The following HTR2C variants were observed in gnomAD, a reference collection of about 807,000 sequenced individuals.
HTR2C encodes the protein 5-hydroxytryptamine receptor 2C.
HTR2C carries 5 observed loss-of-function variants against 21.0 expected under a neutral mutation model. The observed-to-expected ratio is 0.24, with a 90% CI of 0.12 to 0.50. The LOEUF is 0.50. Among genes scored for constraint, HTR2C ranks in the 20% least tolerant of loss-of-function variants. The probability of loss-of-function intolerance (pLI) is 0.98; values close to 1 mark genes in which losing one functional copy is unlikely to be tolerated. For synonymous variants in HTR2C, 150 were observed against 145.3 expected (o/e 1.03, Z -0.23); for missense variants, 271 against 371.2 (o/e 0.73, Z 2.22).
At chrX:114,861,116 C>T (rs1481494402) in intron 5 of HTR2C, among the ~76,000 whole-genome samples, 2 of 111,187 alleles carry the variant, frequency 1.8e-5, no homozygotes, top group African/African-American at 6.5e-5. Context: ...CTATCGTCCA[C>T]ATGTTGTACA....
At chrX:114,643,739 A>G (rs185626281) in intron 2 of HTR2C, among the ~76,000 whole-genome samples, 11 of 111,976 alleles carry the variant, frequency 9.8e-5, no homozygotes, top group African/African-American at 3.2e-4. Flanking sequence ...ATTTCAGGCA[A>G]TTTACTGCTG....
intron 2 of HTR2C, among the ~76,000 whole-genome samples, chrX:114,620,905 A>C (rs1367933100): frequency 9.1e-6 from 1 of 110,057 alleles, no homozygotes; most frequent in Non-Finnish European, 1.9e-5. Flanking sequence ...TTGGCAGAGG[A>C]GTCTTGCTCT....
chrX:114,652,276 C>T (rs1405352046), intron 2 of HTR2C, among the ~76,000 whole-genome samples: 1 of 111,410 alleles, frequency 9.0e-6, no homozygotes, highest in African/African-American at 3.3e-5. Context: ...GTACTTGATG[C>T]AGTCCTGACT....
chrX:114,657,613 G>A (rs1930829423), intron 2 of HTR2C, among the ~76,000 whole-genome samples: 1 of 111,384 alleles, frequency 9.0e-6, no homozygotes, highest in Non-Finnish European at 1.9e-5. Context: ...AGTTTGTCTA[G>A]GGCAGCTGTG....
At chrX:114,693,745 G>A (rs1932180417) in intron 2 of HTR2C, among the ~76,000 whole-genome samples, 1 of 111,823 alleles carries the variant, frequency 8.9e-6, no homozygotes, top group African/African-American at 3.2e-5. Flanking sequence ...AAATATTTCA[G>A]TTGTAGTGAA....
intron 2 of HTR2C, among the ~76,000 whole-genome samples, chrX:114,683,343 T>C (rs782388033): frequency 8.9e-4 from 94 of 105,991 alleles, no homozygotes; most frequent in African/African-American, 3.0e-3. Flanking sequence ...CATACACAGA[T>C]GTACCTGAAT....
intron 4 of HTR2C, among the ~76,000 whole-genome samples, chrX:114,792,917 T>C (rs1202622200): frequency 8.9e-6 from 1 of 112,357 alleles, no homozygotes. Flanking sequence ...AAATATCTTC[T>C]TTTGAGAAGT....
intron 2 of HTR2C, among the ~76,000 whole-genome samples, chrX:114,626,735 A>G (rs1929394494): frequency 8.9e-6 from 1 of 112,549 alleles, no homozygotes; most frequent in South Asian, 3.6e-4. Flanking sequence ...GAAGGAATTC[A>G]TATGATTTGT....
At chrX:114,588,082 G>A (rs185540122) in intron 1 of HTR2C, among the ~76,000 whole-genome samples, 56 of 112,451 alleles carry the variant, frequency 5.0e-4, no homozygotes, top group African/African-American at 1.7e-3. Context: ...CTGTGGCTAA[G>A]ACAGTGTCAT....
chrX:114,701,016 C>G (rs781890501), intron 2 of HTR2C, among the ~76,000 whole-genome samples: 1 of 112,262 alleles, frequency 8.9e-6, no homozygotes, highest in Admixed American at 9.4e-5. Flanking sequence ...GAGGGGCGAC[C>G]GCCATTGCCC....
At chrX:114,827,506 T>C (rs1051758343) in intron 4 of HTR2C, among the ~76,000 whole-genome samples, 1 of 111,482 alleles carries the variant, frequency 9.0e-6, no homozygotes, top group Admixed American at 9.6e-5. Flanking sequence ...TATTATATTT[T>C]CTAAGATATT....
chrX:114,904,338 G>C (rs1190952224), intron 5 of HTR2C, among the ~76,000 whole-genome samples: 1 of 111,623 alleles, frequency 9.0e-6, no homozygotes, highest in African/African-American at 3.3e-5. Flanking sequence ...GGACTGTCTT[G>C]TTTCATCCAT....
At chrX:114,605,696 G>T (rs1368381532) in intron 1 of HTR2C, among the ~76,000 whole-genome samples, 1 of 111,186 alleles carries the variant, frequency 9.0e-6, no homozygotes, top group African/African-American at 3.3e-5. Context: ...TAGGTTTTAG[G>T]TCAGGTGTGA....
At chrX:114,811,345 G>T (rs1342684131) in intron 4 of HTR2C, among the ~76,000 whole-genome samples, 2 of 107,076 alleles carry the variant, frequency 1.9e-5, no homozygotes, top group African/African-American at 6.8e-5. Context: ...ACGTTTTTTT[G>T]GAAGATTAAC....
At chrX:114,758,260 C>T in intron 4 of HTR2C, among the ~76,000 whole-genome samples, 1 of 111,602 alleles carries the variant, frequency 9.0e-6, no homozygotes, top group Non-Finnish European at 1.9e-5. Flanking sequence ...GAATGTCAAA[C>T]TTAAAGGTGT....
At chrX:114,778,584 A>G (rs1374513393) in intron 4 of HTR2C, among the ~76,000 whole-genome samples, 1 of 110,920 alleles carries the variant, frequency 9.0e-6, no homozygotes, top group East Asian at 2.8e-4. Flanking sequence ...GCAATATCAC[A>G]TAAGTCAGCT....
At position 114,588,398 on chromosome X, in the gene HTR2C, G is replaced by A. The variant is rs782107594; in HGVS notation, c.-147+3739G>A. Among the ~76,000 whole-genome samples the A allele has an allele frequency of 2.7e-5, 3 of 111,518 alleles. No homozygotes were observed. The Admixed American group carries it at 2.9e-4, about 11-fold the overall frequency. On this transcript the variant is annotated intron_variant, in intron 1 of 5. Transcript: ENST00000276198. ...ATTAAGAACTATGCATAAATTTATT[G>A]AAAGCTATTAGAAAGCCTTTAGAAC...
At chrX:114,882,654 T>C (rs2071190880) in intron 5 of HTR2C, among the ~76,000 whole-genome samples, 1 of 111,062 alleles carries the variant, frequency 9.0e-6, no homozygotes, top group Non-Finnish European at 1.9e-5. Context: ...TTTCAGATGC[T>C]AAACCAACCT....
intron 5 of HTR2C, among the ~76,000 whole-genome samples, chrX:114,898,212 G>T (rs187260273): frequency 1.4e-3 from 158 of 112,747 alleles, no homozygotes; most frequent in African/African-American, 4.7e-3. Flanking sequence ...CTTCTTTGAA[G>T]AAGTGTCTGT....
Sources: gnomAD v4.1 joint callset for allele counts (sites outside exome capture counted in the v4.1 genomes callset) on GRCh38, gnomAD v4.1.1 for gene constraint, MANE v1.5 for transcripts, NCBI Gene and HGNC (gene_info 2026-07-23, HGNC 2026-07-21) for gene names.